SKIL: variants seen among roughly 807,000 people sequenced by gnomAD.
SKIL encodes SKI like proto-oncogene.
Under a neutral mutation model 69.6 loss-of-function variants are expected in SKIL, and 20 were observed. The observed-to-expected ratio is 0.29, with a 90% CI of 0.20 to 0.42. The LOEUF (loss-of-function observed/expected upper bound fraction) is 0.42. Ranked by LOEUF, SKIL falls within the 10% of genes least tolerant of loss-of-function variation. The pLI, the probability that SKIL is intolerant of heterozygous loss-of-function variation, is 1.00. For missense variants in SKIL, 745 were observed against 783.1 expected, an observed-to-expected ratio of 0.95 and a Z score of 0.58; for synonymous variants, 310 against 279.9, an observed-to-expected ratio of 1.11 and a Z score of -1.08.
chr3:170,369,082 A>AT (rs55652320), intron 2 of SKIL, among the ~76,000 whole-genome samples: 8,251 of 126,268 alleles, frequency 0.065, 457 homozygotes, highest in African/African-American at 0.14. Context: ...TATCCCTGGC[A>AT]TTTTTTTTTT....
At chr3:170,366,981 GAAA>G (rs983500587) in intron 2 of SKIL, among the ~76,000 whole-genome samples, 1 of 151,978 alleles carries the variant, frequency 6.6e-6, no homozygotes, top group Non-Finnish European at 1.5e-5. Flanking sequence ...ACGTTTGTAT[GAAA>G]AAAAGATCAA....
At chr3:170,367,341 ACGT>A (rs2108898381) in intron 2 of SKIL, among the ~76,000 whole-genome samples, 1 of 152,120 alleles carries the variant, frequency 6.6e-6, no homozygotes, top group South Asian at 2.1e-4. Flanking sequence ...CGATCTCCTG[ACGT>A]CGTCATCCTC....
chr3:170,369,302 A>G (rs1280336141), intron 2 of SKIL, among the ~76,000 whole-genome samples: 1 of 152,228 alleles, frequency 6.6e-6, no homozygotes, highest in African/African-American at 2.4e-5. Context: ...CCGTGTTTTC[A>G]GAGTAGGCCT....
chr3:170,389,565 C>T (rs764551386), intron 4 of SKIL, among the ~76,000 whole-genome samples: 3 of 152,122 alleles, frequency 2.0e-5, no homozygotes, highest in East Asian at 1.9e-4. Context: ...CCGCCCTTCT[C>T]GGCCTCCCAA....
intron 2 of SKIL, among the ~76,000 whole-genome samples, chr3:170,363,985 C>G (rs1386620524): frequency 6.6e-6 from 1 of 152,106 alleles, no homozygotes; most frequent in Non-Finnish European, 1.5e-5. Context: ...AAGTCTTGCT[C>G]TGTCGCCGAG....
intron 2 of SKIL, among the ~76,000 whole-genome samples, chr3:170,379,256 G>T (rs1400345975): frequency 6.6e-6 from 1 of 152,156 alleles, no homozygotes; most frequent in Non-Finnish European, 1.5e-5. Context: ...AGGATTACAG[G>T]CATGAGCCAC....
chr3:170,361,072 T>C lies in SKIL; in HGVS notation c.741T>C (p.Pro247=). ...RTFPQNGSVL[P]AKSSLAQLKE... ...TTCCTCAAAATGGTAGCGTACTTCC[T>C]GCTAAAAGCTCATTGGCCCAGTTAA... is the stretch of plus-strand genomic sequence containing the variant. The change falls in exon 2 of 7, where the codon CCT becomes CCC. Residue 247 remains proline (P), a synonymous_variant. Transcript: ENST00000259119. The C allele has an allele frequency of 1.2e-6, 2 of 1,614,234 alleles. No homozygotes were observed. The highest frequency in any genetic ancestry group is 1.7e-6 in the Non-Finnish European group (2 of 1,180,036).
chr3:170,391,390 T>TCC, intron 6 of SKIL, 130 bp downstream of exon 6: 1 of 601,620 alleles, frequency 1.7e-6, no homozygotes, highest in Non-Finnish European at 2.9e-6. Context: ...CAATCTCAGC[T>TCC]CCCCACAACC....
intron 2 of SKIL, among the ~76,000 whole-genome samples, chr3:170,373,426 C>T (rs1736882929): frequency 6.6e-6 from 1 of 150,756 alleles, no homozygotes; most frequent in African/African-American, 2.4e-5. Flanking sequence ...TGATCCTCCG[C>T]CTTGGCCTCC....
At chr3:170,390,929 A>G (rs1261191965) in intron 5 of SKIL, 107 bp from the exon 6 acceptor site, 1 of 642,086 alleles carries the variant, frequency 1.6e-6, no homozygotes, top group South Asian at 2.0e-5. Flanking sequence ...TAGAACTGAT[A>G]ATGATAGCTG....
Position 170,381,072 on chromosome 3 carries a change from C to T in SKIL, c.1099-172C>T, listed in dbSNP as rs1737318820. Among the ~76,000 whole-genome samples, 4 of 150,876 alleles carry T rather than the reference C, an allele frequency of 2.7e-5. No individual in the cohort carries two copies. In the South Asian group the frequency reaches 8.4e-4, roughly 32 times the overall value. On this transcript the variant is annotated intron_variant, in intron 2 of 6. Transcript: ENST00000259119. The stretch of plus-strand genomic sequence containing the variant: ...TGACTCCACGGCTTAAGGAATCTTC[C>T]CCACTCTGCCTCCCAAAGTGCTGGG...
At chr3:170,381,557 C>T (rs184396044) in intron 3 of SKIL, among the ~76,000 whole-genome samples, 12 of 152,036 alleles carry the variant, frequency 7.9e-5, no homozygotes, top group South Asian at 2.1e-4. Flanking sequence ...CTCAGCCTCC[C>T]GAGTAGCGGG....
chr3:170,381,389 A>G (rs759259341), intron 3 of SKIL, 48 bp downstream of exon 3: 4 of 875,648 alleles, frequency 4.6e-6, no homozygotes, highest in Non-Finnish European at 7.9e-6. Flanking sequence ...TCTTCATTCA[A>G]CAACTATATG....
At position 170,392,409 on chromosome 3, in the gene SKIL, AAAG is replaced by A; in HGVS notation, c.2050_2052del (p.Glu684del). 6.2e-7 allele frequency: 1 copy of A among 1,606,878 alleles called. No individual in the cohort carries two copies. Among genetic ancestry groups the A allele is most frequent in the South Asian group, 1.1e-5 (1 of 90,194 alleles). On this transcript the variant is annotated inframe_deletion, in exon 7 of 7. Coordinates refer to ENST00000259119, the MANE Select transcript of SKIL (RefSeq NM_005414.5). The stretch of plus-strand genomic sequence containing the variant: ...AATTCTGAAATCATCAAAGACTGCT[AAAG>A]AATAGAAACTGTTAAAGAGATTCAT...
chr3:170,378,472 C>G (rs1737146751), intron 2 of SKIL, among the ~76,000 whole-genome samples: 1 of 151,430 alleles, frequency 6.6e-6, no homozygotes, highest in Non-Finnish European at 1.5e-5. Flanking sequence ...TGGTTCCAAA[C>G]TGGAATATTG....
chr3:170,361,159 T>G lies in SKIL; in HGVS notation c.828T>G (p.Phe276Leu). 6.2e-7 allele frequency: 1 copy of G among 1,614,226 alleles called. No homozygotes were observed. The change falls in exon 2 of 7, where the codon TTT becomes TTG. Residue 276 changes from phenylalanine to leucine, a missense_variant. Phe to Leu is a conservative substitution (Grantham distance 22). Transcript: ENST00000259119. ...GCCTAGGCAAATGTCAGGGTTTATT[T>G]GCACCCCAGTTTTATGTTCAGCCTG... ...HECLGKCQGLFAPQFYVQPDA... is the reference protein window; with the variant it reads ...HECLGKCQGLLAPQFYVQPDA...
chr3:170,369,082 ATTTTTTTTTTTTTT>A (rs55652320), intron 2 of SKIL, among the ~76,000 whole-genome samples: 2 of 126,776 alleles, frequency 1.6e-5, no homozygotes, highest in African/African-American at 6.0e-5. Flanking sequence ...TATCCCTGGC[ATTTTTTTTTTTTTT>A]TTTTTTTTTT....
intron 2 of SKIL, among the ~76,000 whole-genome samples, chr3:170,373,897 C>G (rs997333349): frequency 2.0e-5 from 3 of 152,022 alleles, no homozygotes; most frequent in Admixed American, 1.3e-4. Flanking sequence ...AAAAAAATGT[C>G]TAAGAATTTT....
In SKIL at chr3:170,381,257, C is replaced by T; in HGVS notation, c.1112C>T (p.Ser371Leu). The T allele has an allele frequency of 1.3e-6, 2 of 1,566,828 alleles. No homozygotes were observed. The highest frequency in any genetic ancestry group is 1.8e-6 in the Non-Finnish European group (2 of 1,137,044). The change falls in exon 3 of 7, where the codon TCA becomes TTA. Residue 371 changes from serine to leucine, a missense_variant. Transcript: ENST00000259119. ...GTTTTTCTGCAGACAGATGCACCAT[C>T]AGGAATGGAATTACAGTCATGGTAT... ...KRNQSKTDAPSGMELQSWYPV... is the reference protein window; with the variant it reads ...KRNQSKTDAPLGMELQSWYPV...
Sources: gnomAD v4.1 joint callset for allele counts (sites outside exome capture counted in the v4.1 genomes callset) on GRCh38, gnomAD v4.1.1 for gene constraint, MANE v1.5 for transcripts, NCBI Gene and HGNC (gene_info 2026-07-23, HGNC 2026-07-21) for gene names.